NLRP5: variants seen among roughly 807,000 people sequenced by gnomAD.
NLRP5 encodes NACHT, LRR and PYD domains-containing protein 5.
NLRP5 carries 93 observed loss-of-function variants against 113.1 expected under a neutral mutation model. That is an observed-to-expected ratio of 0.82 (90% confidence interval 0.70 to 0.98). The LOEUF (loss-of-function observed/expected upper bound fraction) is 0.98. Ranked by LOEUF, NLRP5 falls within the 50% of genes least tolerant of loss-of-function variation. The probability of loss-of-function intolerance (pLI) is 0.00; values close to 1 mark genes in which losing one functional copy is unlikely to be tolerated. For missense variants in NLRP5, 1,808 were observed against 1,514.3 expected (o/e 1.19, Z -3.22); for synonymous variants, 751 against 600.7 (o/e 1.25, Z -3.66).
chr19:55,995,317 CCTG>C (rs749891098), upstream of NLRP5, among the ~76,000 whole-genome samples: 8 of 152,060 alleles, frequency 5.3e-5, no homozygotes, highest in Non-Finnish European at 1.2e-4. Context: ...GTGTAACAAA[CCTG>C]CACGTTGTGC....
chr19:56,056,339 C>CCTGA (rs1360961564), intron 13 of NLRP5, among the ~76,000 whole-genome samples: 1 of 152,034 alleles, frequency 6.6e-6, no homozygotes, highest in African/African-American at 2.4e-5. Flanking sequence ...GGGTGGATCA[C>CCTGA]CTGAGGTCAA....
intron 2 of NLRP5, among the ~76,000 whole-genome samples, chr19:56,008,061 T>C (rs1046921415): frequency 6.6e-5 from 9 of 136,634 alleles, no homozygotes; most frequent in Non-Finnish European, 1.5e-4. Context: ...CCCGAGTAGC[T>C]GGGACTACAG....
intron 2 of NLRP5, among the ~76,000 whole-genome samples, chr19:56,008,221 C>G (rs929058931): frequency 1.3e-5 from 2 of 152,050 alleles, no homozygotes; most frequent in Admixed American, 6.6e-5. Flanking sequence ...AGCCACCGCG[C>G]CTGGCCACAA....
chr19:56,013,596 G>GGTTTTTTTTTTTT lies in NLRP5; in HGVS notation c.509-2146_509-2145insGTTTTTTTTTTTT, dbSNP rs1555765383. 1.3e-3 allele frequency among the ~76,000 whole-genome samples: 75 copies of GGTTTTTTTTTTTT among 59,284 alleles called. 14 individuals carry two copies. Among genetic ancestry groups the GGTTTTTTTTTTTT allele is most frequent in the Admixed American group, 2.3e-3 (11 of 4,858 alleles). 38.9% of individuals were successfully genotyped at this position (59,284 alleles called of 152,430 possible). ...CATTTATCACATGATGGACATTTGG[G>GGTTTTTTTTTTTT]TTTTTTTTTTTTTTTTTTTTTGCTA... On this transcript the variant is annotated intron_variant, in intron 3 of 14. Transcript: ENST00000390649.
Position 56,061,685 on chromosome 19 carries a change from A to C in NLRP5, c.*157A>C. ...CAATGGTAGTGATTCTTCTGTGTTC[A>C]CTCTACGTTGGTTACTGGATTTGAA... On this transcript the variant is annotated 3_prime_UTR_variant, in exon 15 of 15. Coordinates refer to ENST00000390649, the MANE Select transcript of NLRP5 (RefSeq NM_153447.4). 1.2e-6 allele frequency: 1 copy of C among 808,078 alleles called. No homozygotes were observed. Among genetic ancestry groups the C allele is most frequent in the Non-Finnish European group, 2.0e-6 (1 of 505,236 alleles). The allele number at this position is 808,078 out of a possible 1,614,324, so 50.1% of individuals were successfully genotyped here.
chr19:56,021,677 C>T (rs984926641), intron 6 of NLRP5, among the ~76,000 whole-genome samples: 2 of 152,168 alleles, frequency 1.3e-5, no homozygotes, highest in Non-Finnish European at 2.9e-5. Flanking sequence ...GAATAATATT[C>T]CATTGTATGG....
chr19:55,992,814 CTTTA>C, the NLRP5 span, among the ~76,000 whole-genome samples: 4 of 151,568 alleles, frequency 2.6e-5, no homozygotes, highest in African/African-American at 9.7e-5. Flanking sequence ...GCAGTTTTTC[CTTTA>C]TTTTAGTTGA....
At chr19:56,006,113 A>C (rs777851546) in intron 2 of NLRP5, among the ~76,000 whole-genome samples, 1 of 152,252 alleles carries the variant, frequency 6.6e-6, no homozygotes, top group Non-Finnish European at 1.5e-5. Flanking sequence ...GGATGAGTTC[A>C]TGTCCTTTAT....
intron 3 of NLRP5, among the ~76,000 whole-genome samples, chr19:56,013,754 C>A (rs1260194073): frequency 6.6e-6 from 1 of 151,882 alleles, no homozygotes; most frequent in African/African-American, 2.4e-5. Flanking sequence ...AGGAGCTCTG[C>A]CAAATGGTTT....
At chr19:56,057,409 C>T (rs974364984) in intron 13 of NLRP5, among the ~76,000 whole-genome samples, 6 of 152,168 alleles carry the variant, frequency 3.9e-5, no homozygotes, top group African/African-American at 1.4e-4. Flanking sequence ...GACCTAGGTG[C>T]CCAGCCTCCG....
intron 7 of NLRP5, among the ~76,000 whole-genome samples, chr19:56,029,194 C>A (rs1422513971): frequency 6.6e-6 from 1 of 151,490 alleles, no homozygotes; most frequent in African/African-American, 2.4e-5. Context: ...GCCTCATAAG[C>A]CTGTTGAGCA....
intron 14 of NLRP5, 67 bp from the exon 15 acceptor site, chr19:56,061,329 A>G: frequency 1.3e-6 from 2 of 1,561,904 alleles, no homozygotes; most frequent in Non-Finnish European, 1.7e-6. Flanking sequence ...GGCTACCAGG[A>G]ATTTTGAAGA....
chr19:56,054,992 CTTTTTTTTTTTTTTTTTTTTTTTTTG>C (rs1984077483), intron 13 of NLRP5, among the ~76,000 whole-genome samples: 6 of 62,378 alleles, frequency 9.6e-5, no homozygotes, highest in African/African-American at 4.2e-4. Context: ...CACCCCTCCC[CTTTTTTTTTTTTTTTTTTTTTTTTTG>C]AGACAGAGTC....
intron 3 of NLRP5, among the ~76,000 whole-genome samples, chr19:56,011,252 T>C (rs1283095591): frequency 3.9e-5 from 6 of 152,060 alleles, no homozygotes; most frequent in Non-Finnish European, 7.4e-5. Context: ...AAAAGATATA[T>C]ATTGAATGAT....
Position 56,004,065 on chromosome 19 carries a change from C to T in NLRP5, c.412C>T (p.Leu138Phe), listed in dbSNP as rs1353447189. The T allele has an allele frequency of 6.2e-7, 1 of 1,611,972 alleles. No individual in the cohort carries two copies. Among genetic ancestry groups the T allele is most frequent in the East Asian group, 2.2e-5 (1 of 44,848 alleles). Reference sequence around the variant, plus strand: ...CTTTGAAAACATGAACCTGCGAACCCTCTCGGAGAAGGCACGGGATGACAT... The same window carrying T: ...CTTTGAAAACATGAACCTGCGAACCTTCTCGGAGAAGGCACGGGATGACAT... The change falls in exon 2 of 15, where the codon CTC becomes TTC. Residue 138 changes from leucine to phenylalanine, a missense_variant. Transcript: ENST00000390649.
intron 11 of NLRP5, among the ~76,000 whole-genome samples, chr19:56,041,836 C>T (rs1407688617): frequency 2.0e-5 from 3 of 152,094 alleles, no homozygotes; most frequent in African/African-American, 4.8e-5. Context: ...GTAATCCCAG[C>T]GACTCAGGAG....
intron 10 of NLRP5, among the ~76,000 whole-genome samples, chr19:56,038,781 C>T (rs1983412209): frequency 6.6e-6 from 1 of 152,168 alleles, no homozygotes; most frequent in Non-Finnish European, 1.5e-5. Context: ...ACGCAGGGGG[C>T]AGCAGTTCTG....
chr19:56,028,284 C>G lies in NLRP5; in HGVS notation c.2051C>G (p.Thr684Ser), dbSNP rs1304668714. The G allele has an allele frequency of 6.2e-7, 1 of 1,613,906 alleles. No homozygotes were observed. Among genetic ancestry groups the G allele is most frequent in the African/African-American group, 1.3e-5 (1 of 75,028 alleles). ...CCTAATGCCACCACCCCAGGAGACA[C>G]CCTGGACGCCTTCCACTGTCTTTTC... Residue 684 changes from threonine to serine, a missense_variant, in exon 7 of 15, where the codon ACC becomes AGC. Physicochemically the swap from Thr to Ser is moderately conservative, Grantham distance 58 (BLOSUM62 1). Coordinates refer to ENST00000390649, the MANE Select transcript of NLRP5 (RefSeq NM_153447.4).
chr19:56,023,597 C>T (rs930307142), intron 6 of NLRP5, among the ~76,000 whole-genome samples: 10 of 152,088 alleles, frequency 6.6e-5, no homozygotes, highest in Non-Finnish European at 1.5e-4. Context: ...CTAGAGATGA[C>T]TTAACCTACG....
Sources: allele counts gnomAD v4.1 joint callset (sites outside exome capture counted in the v4.1 genomes callset), GRCh38; gene constraint gnomAD v4.1.1; transcripts MANE v1.5; gene names NCBI Gene and HGNC (gene_info 2026-07-23, HGNC 2026-07-21).